The following WHRN variants were observed in gnomAD, a reference collection of about 807,000 sequenced individuals.
WHRN encodes CASK-interacting protein CIP98.
Under a neutral mutation model 68.3 loss-of-function variants are expected in WHRN, and 41 were observed. The observed-to-expected ratio is 0.60, with a 90% CI of 0.47 to 0.78. The LOEUF (loss-of-function observed/expected upper bound fraction) is 0.78, where lower values mean the gene tolerates loss of function less well. Among genes scored for constraint, WHRN ranks in the 30% least tolerant of loss-of-function variants. The pLI, the probability that WHRN is intolerant of heterozygous loss-of-function variation, is 0.00. For synonymous variants in WHRN, 560 were observed against 561.3 expected (o/e 1.00, Z 0.03); for missense variants, 1,243 against 1,244.7 (o/e 1.00, Z 0.02).
At chr9:114,427,581 C>A (rs188616859) in intron 3 of WHRN, among the ~76,000 whole-genome samples, 11 of 152,268 alleles carry the variant, frequency 7.2e-5, no homozygotes, top group Admixed American at 7.2e-4. Context: ...GTAGGTTTAT[C>A]CAGCATTTTT....
At chr9:114,475,587 T>C (rs7848341) in intron 2 of WHRN, among the ~76,000 whole-genome samples, 9,977 of 152,228 alleles carry the variant, frequency 0.066, 1,131 homozygotes, top group African/African-American at 0.23. Flanking sequence ...TATGCTACTA[T>C]TGCCCTGAGA....
In WHRN at chr9:114,478,726, C is replaced by T. The variant is rs1841867800; in HGVS notation, c.664G>A (p.Gly222Arg). 2.2e-5 allele frequency: 36 copies of T among 1,612,636 alleles called. No homozygotes were observed. The highest frequency in any genetic ancestry group is 3.1e-5 in the Non-Finnish European group (36 of 1,179,988). Residue 222 changes from glycine (G) to arginine (R), a missense_variant, in exon 2 of 12, where the codon GGG becomes AGG. Physicochemically the swap from Gly to Arg is moderately radical, Grantham distance 125. Coordinates refer to ENST00000362057, the MANE Select transcript of WHRN (RefSeq NM_015404.4). ...KKLVLSVYSA[G>R]RIPGGYVTNH... ...GTGACGTAGCCCCCAGGGATGCGCCCTGCTGAGTACACAGACAGCACCAGC... is the reference window on the plus strand; with the variant it reads ...GTGACGTAGCCCCCAGGGATGCGCCTTGCTGAGTACACAGACAGCACCAGC...
intron 3 of WHRN, among the ~76,000 whole-genome samples, chr9:114,446,260 T>C (rs1374493529): frequency 6.6e-6 from 1 of 152,192 alleles, no homozygotes; most frequent in Non-Finnish European, 1.5e-5. Context: ...ACATATTCTA[T>C]GATTCATTGA....
intron 11 of WHRN, 31 bp downstream of exon 11, chr9:114,403,186 G>C (rs920287911): frequency 7.4e-6 from 12 of 1,613,740 alleles, no homozygotes; most frequent in African/African-American, 1.3e-5. Context: ...GGGGTAGGGA[G>C]AGATGGCAAG....
chr9:114,441,765 A>C (rs1245971977), intron 3 of WHRN, among the ~76,000 whole-genome samples: 2 of 152,258 alleles, frequency 1.3e-5, no homozygotes, highest in African/African-American at 4.8e-5. Flanking sequence ...CTCTACAGTA[A>C]AATAGCAAGT....
At chr9:114,404,562 AG>A (rs911554184) in intron 9 of WHRN, among the ~76,000 whole-genome samples, 1 of 152,140 alleles carries the variant, frequency 6.6e-6, no homozygotes, top group Non-Finnish European at 1.5e-5. Context: ...GCCTGAGCCG[AG>A]TGGTGGGCAC....
chr9:114,417,959 G>A (rs1490623785), intron 7 of WHRN, among the ~76,000 whole-genome samples: 2 of 152,206 alleles, frequency 1.3e-5, no homozygotes, highest in African/African-American at 4.8e-5. Flanking sequence ...GAGGCCAAGA[G>A]TGAGTGAGGG....
intron 7 of WHRN, among the ~76,000 whole-genome samples, chr9:114,411,359 G>T (rs1444303218): frequency 6.6e-6 from 1 of 152,122 alleles, no homozygotes; most frequent in African/African-American, 2.4e-5. Flanking sequence ...ACAGAGAGGG[G>T]TCAGAGCCTC....
intron 2 of WHRN, among the ~76,000 whole-genome samples, chr9:114,472,783 G>A (rs1841347824): frequency 6.6e-6 from 1 of 152,164 alleles, no homozygotes; most frequent in Non-Finnish European, 1.5e-5. Context: ...GTAACTGACG[G>A]TTGTTGCTGG....
At chr9:114,470,013 A>C (rs971107443) in intron 2 of WHRN, among the ~76,000 whole-genome samples, 1 of 152,140 alleles carries the variant, frequency 6.6e-6, no homozygotes, top group Non-Finnish European at 1.5e-5. Flanking sequence ...ACATCTTGCA[A>C]GGACCCCCGT....
chr9:114,468,949 T>C (rs1018735590), intron 2 of WHRN, among the ~76,000 whole-genome samples: 1 of 152,152 alleles, frequency 6.6e-6, no homozygotes, highest in Non-Finnish European at 1.5e-5. Context: ...GGTTAATGCA[T>C]GTTCAGGCTC....
chr9:114,406,267 T>TC (rs1835016005), intron 9 of WHRN, 88 bp downstream of exon 9: 17 of 1,578,112 alleles, frequency 1.1e-5, no homozygotes, highest in Non-Finnish European at 1.4e-5. Flanking sequence ...AAGTAGCTGG[T>TC]CCCCCCCTTC....
chr9:114,501,835 A>C (rs1171398064), intron 1 of WHRN, among the ~76,000 whole-genome samples: 1 of 152,230 alleles, frequency 6.6e-6, no homozygotes, highest in East Asian at 1.9e-4. Flanking sequence ...CAGTTTACAA[A>C]GAACGGCTCC....
intron 3 of WHRN, among the ~76,000 whole-genome samples, chr9:114,430,251 G>C (rs995408131): frequency 6.6e-6 from 1 of 152,178 alleles, no homozygotes; most frequent in African/African-American, 2.4e-5. Flanking sequence ...CTTCTATGAG[G>C]CTGGGGGAAG....
At chr9:114,427,389 C>T (rs909865426) in intron 3 of WHRN, among the ~76,000 whole-genome samples, 3 of 152,118 alleles carry the variant, frequency 2.0e-5, no homozygotes, top group Admixed American at 6.5e-5. Flanking sequence ...ATGATGGGAC[C>T]GCACCTTTAA....
intron 3 of WHRN, among the ~76,000 whole-genome samples, chr9:114,445,091 G>C (rs1269692768): frequency 1.3e-5 from 2 of 151,890 alleles, no homozygotes; most frequent in Non-Finnish European, 2.9e-5. Flanking sequence ...ACCCAGGCTG[G>C]AGTGCAGTGG....
chr9:114,430,240 C>A (rs1837295319), intron 3 of WHRN, among the ~76,000 whole-genome samples: 1 of 152,108 alleles, frequency 6.6e-6, no homozygotes, highest in Non-Finnish European at 1.5e-5. Context: ...ATCGACGTGG[C>A]CTTCTATGAG....
intron 3 of WHRN, among the ~76,000 whole-genome samples, chr9:114,463,152 G>A (rs1171300618): frequency 6.6e-6 from 1 of 152,224 alleles, no homozygotes. Flanking sequence ...TCCGAAGGAG[G>A]AATAACTAGG....
At chr9:114,433,900 T>C (rs16929112) in intron 3 of WHRN, among the ~76,000 whole-genome samples, 2,511 of 152,314 alleles carry the variant, frequency 0.016, 32 homozygotes, top group Middle Eastern at 0.051. Context: ...CGGTTCTCTC[T>C]TCTGACATTG....
Sources: allele counts gnomAD v4.1 joint callset (sites outside exome capture counted in the v4.1 genomes callset), GRCh38; gene constraint gnomAD v4.1.1; transcripts MANE v1.5; gene names NCBI Gene and HGNC (gene_info 2026-07-23, HGNC 2026-07-21).